MITF: variants seen among roughly 807,000 people sequenced by gnomAD.
The protein encoded by MITF is microphthalmia-associated transcription factor.
A neutral mutation model predicts 60.5 loss-of-function variants in MITF; 17 were observed. The observed-to-expected ratio is 0.28, with a 90% CI of 0.19 to 0.42. The LOEUF is 0.42. MITF is among the 10% of genes least tolerant of loss of function. The pLI, the probability that MITF is intolerant of heterozygous loss-of-function variation, is 1.00. For synonymous variants in MITF, 260 were observed against 248.5 expected, an observed-to-expected ratio of 1.05 and a Z score of -0.43; for missense variants, 622 against 683.5, an observed-to-expected ratio of 0.91 and a Z score of 1.00.
chr3:69,789,828 C>A (rs564318176), intron 1 of MITF, among the ~76,000 whole-genome samples: 1 of 152,108 alleles, frequency 6.6e-6, no homozygotes, highest in East Asian at 1.9e-4. Flanking sequence ...TGCACTGCAG[C>A]CTGGGCAACA....
chr3:69,792,031 G>A (rs2062748646), intron 1 of MITF, among the ~76,000 whole-genome samples: 1 of 152,200 alleles, frequency 6.6e-6, no homozygotes, highest in Non-Finnish European at 1.5e-5. Flanking sequence ...AGAGACGGAT[G>A]TGCTGAATCC....
At chr3:69,894,401 G>T (rs2064827347) in intron 2 of MITF, among the ~76,000 whole-genome samples, 1 of 152,172 alleles carries the variant, frequency 6.6e-6, no homozygotes, top group Admixed American at 6.5e-5. Context: ...ACTGCGCTGT[G>T]CTGGCTGGGC....
intron 1 of MITF, chr3:69,763,891 C>G (rs1248883184): frequency 7.3e-7 from 1 of 1,378,862 alleles, no homozygotes; most frequent in South Asian, 1.2e-5. Flanking sequence ...GCTATTTTCT[C>G]TCTCTGTGAA....
chr3:69,849,130 A>G (rs1277263714), intron 1 of MITF, among the ~76,000 whole-genome samples: 2 of 150,810 alleles, frequency 1.3e-5, no homozygotes, highest in Non-Finnish European at 3.0e-5. Flanking sequence ...ACGCCCGGCT[A>G]ATTTTTTGTA....
At chr3:69,804,650 T>C (rs1430611) in intron 1 of MITF, among the ~76,000 whole-genome samples, 49,385 of 152,150 alleles carry the variant, frequency 0.32, 9,666 homozygotes, top group Non-Finnish European at 0.44. Context: ...TTTTGTGATA[T>C]GAGAGCAAGT....
intron 2 of MITF, among the ~76,000 whole-genome samples, chr3:69,923,557 A>G (rs1008533447): frequency 1.3e-5 from 2 of 152,126 alleles, no homozygotes; most frequent in Non-Finnish European, 2.9e-5. Flanking sequence ...GTTGGCCTGA[A>G]GTGATCGGCC....
intron 1 of MITF, among the ~76,000 whole-genome samples, chr3:69,871,787 CTTTCTACCTTTAAAAAGT>C (rs1197349529): frequency 6.6e-6 from 1 of 152,178 alleles, no homozygotes; most frequent in Non-Finnish European, 1.5e-5. Flanking sequence ...AACAGAAGGG[CTTTCTACCTTTAAAAAGT>C]TTATTCCAGT....
At position 69,965,132 on chromosome 3, in the gene MITF, A is replaced by T. The variant is rs1213442503; in HGVS notation, c.1465A>T (p.Thr489Ser). The change falls in exon 10 of 10, where the codon ACC (threonine) becomes TCC (serine). Residue 489 changes from threonine to serine, a missense_variant. Thr to Ser is a moderately conservative substitution (Grantham distance 58). Transcript: ENST00000352241. ...ACTGGAAGACATCCTGATGGACGAC[A>T]CCCTTTCTCCCGTCGGTGTCACTGA... is the stretch of plus-strand genomic sequence containing the variant. ...SKLEDILMDD[T>S]LSPVGVTDPL... 1.2e-6 allele frequency: 2 copies of T among 1,613,916 alleles called. No individual in the cohort carries two copies. Among genetic ancestry groups the T allele is most frequent in the Non-Finnish European group, 1.7e-6 (2 of 1,180,002 alleles).
chr3:69,763,434 C>T, intron 1 of MITF: 3 of 769,648 alleles, frequency 3.9e-6, no homozygotes, highest in Non-Finnish European at 4.9e-6. Flanking sequence ...TTATGATTAC[C>T]ATCTAGCACC....
chr3:69,831,278 G>C (rs544540467), intron 1 of MITF, among the ~76,000 whole-genome samples: 74 of 152,114 alleles, frequency 4.9e-4, no homozygotes, highest in Non-Finnish European at 8.7e-4. Flanking sequence ...ATATGGTCTG[G>C]ACAATCGACA....
chr3:69,791,595 T>A (rs2062741178), intron 1 of MITF, among the ~76,000 whole-genome samples: 2 of 152,230 alleles, frequency 1.3e-5, no homozygotes, highest in South Asian at 4.1e-4. Flanking sequence ...GAATGGCTAC[T>A]TATGCAAAAT....
intron 1 of MITF, among the ~76,000 whole-genome samples, chr3:69,791,371 T>A (rs1189896271): frequency 6.6e-6 from 1 of 152,154 alleles, no homozygotes; most frequent in Non-Finnish European, 1.5e-5. Flanking sequence ...GTGGTGGTGG[T>A]GGTTTGAGTG....
At chr3:69,819,026 G>T (rs2063224863) in intron 1 of MITF, among the ~76,000 whole-genome samples, 1 of 152,156 alleles carries the variant, frequency 6.6e-6, no homozygotes, top group Non-Finnish European at 1.5e-5. Context: ...TGATTAATAA[G>T]TTAAAACTTT....
intron 1 of MITF, among the ~76,000 whole-genome samples, chr3:69,871,619 A>G (rs2064238823): frequency 6.6e-6 from 1 of 152,192 alleles, no homozygotes; most frequent in South Asian, 2.1e-4. Context: ...TTATTTCAAC[A>G]CAATGTTGGA....
At chr3:69,798,904 A>G (rs1159965910) in intron 1 of MITF, among the ~76,000 whole-genome samples, 1 of 152,088 alleles carries the variant, frequency 6.6e-6, no homozygotes, top group East Asian at 1.9e-4. Flanking sequence ...CTGATACATC[A>G]CCTTCATTTT....
At chr3:69,858,227 A>G (rs2063953246) in intron 1 of MITF, among the ~76,000 whole-genome samples, 1 of 152,150 alleles carries the variant, frequency 6.6e-6, no homozygotes, top group Admixed American at 6.5e-5. Flanking sequence ...CTAGAGTGTC[A>G]ATTAGATGCA....
At chr3:69,956,314 T>C (rs755500561) in intron 7 of MITF, 141 bp from the exon 8 acceptor site, 44 of 715,390 alleles carry the variant, frequency 6.2e-5, no homozygotes, top group Non-Finnish European at 9.7e-5. Flanking sequence ...ACCAAGAACA[T>C]AGTAAAAATA....
At chr3:69,854,183 A>G (rs1012156002) in intron 1 of MITF, among the ~76,000 whole-genome samples, 1 of 151,970 alleles carries the variant, frequency 6.6e-6, no homozygotes, top group African/African-American at 2.4e-5. Context: ...CCCTGGACCC[A>G]CTGACCCTAA....
intron 1 of MITF, among the ~76,000 whole-genome samples, chr3:69,833,472 A>G (rs1235053295): frequency 1.4e-5 from 2 of 142,426 alleles, no homozygotes; most frequent in African/African-American, 5.3e-5. Context: ...TTGTTTTTCT[A>G]TGTACACTGT....
Sources: allele counts gnomAD v4.1 joint callset (sites outside exome capture counted in the v4.1 genomes callset), GRCh38; gene constraint gnomAD v4.1.1; transcripts MANE v1.5; gene names NCBI Gene and HGNC (gene_info 2026-07-23, HGNC 2026-07-21).